The following PDE4D variants were observed in gnomAD, a reference collection of about 807,000 sequenced individuals.
PDE4D encodes the protein phosphodiesterase 4D.
Under a neutral mutation model 87.4 loss-of-function variants are expected in PDE4D, and 24 were observed. That is an observed-to-expected ratio of 0.27 (90% CI 0.20 to 0.39). The LOEUF is 0.39. Ranked by LOEUF, PDE4D falls within the 10% of genes least tolerant of loss-of-function variation. The pLI, the probability that PDE4D is intolerant of heterozygous loss-of-function variation, is 1.00. For missense variants in PDE4D, 714 were observed against 1,041.0 expected (o/e 0.69, Z 4.32); for synonymous variants, 384 against 383.2 (o/e 1.00, Z -0.02).
chr5:59,991,622 G>A (rs897056796), intron 2 of PDE4D, among the ~76,000 whole-genome samples: 3 of 152,060 alleles, frequency 2.0e-5, no homozygotes. Flanking sequence ...ACCACCTCCA[G>A]TTATAAAATA....
chr5:59,317,226 C>A (rs987831987), intron 1 of PDE4D, among the ~76,000 whole-genome samples: 12 of 152,130 alleles, frequency 7.9e-5, no homozygotes, highest in Non-Finnish European at 1.6e-4. Flanking sequence ...GAAGGGAAAA[C>A]CCCAGCCAAG....
At chr5:59,939,374 G>C (rs1351341819) in intron 3 of PDE4D, among the ~76,000 whole-genome samples, 1 of 152,144 alleles carries the variant, frequency 6.6e-6, no homozygotes. Context: ...CCTACTGTGG[G>C]TCAGTGAATG....
chr5:60,105,941 C>T (rs1453100610), intron 2 of PDE4D, among the ~76,000 whole-genome samples: 4 of 152,078 alleles, frequency 2.6e-5, no homozygotes, highest in Non-Finnish European at 4.4e-5. Flanking sequence ...AGGAAGAGAC[C>T]GCATCAACTA....
intron 1 of PDE4D, among the ~76,000 whole-genome samples, chr5:60,387,212 C>A (rs886257652): frequency 1.3e-5 from 2 of 152,212 alleles, no homozygotes; most frequent in African/African-American, 2.4e-5. Flanking sequence ...GCTCATAAGT[C>A]AGGTCTGCAG....
At chr5:59,954,388 C>T (rs2152806357) in intron 3 of PDE4D, among the ~76,000 whole-genome samples, 1 of 152,290 alleles carries the variant, frequency 6.6e-6, no homozygotes, top group East Asian at 1.9e-4. Flanking sequence ...ATTATCTTAG[C>T]ATAGAAGCCA....
At chr5:59,110,479 T>C (rs1408287323) in intron 5 of PDE4D, among the ~76,000 whole-genome samples, 1 of 152,264 alleles carries the variant, frequency 6.6e-6, no homozygotes, top group Non-Finnish European at 1.5e-5. Flanking sequence ...TAACTGTTGA[T>C]GAACACTGCC....
intron 1 of PDE4D, among the ~76,000 whole-genome samples, chr5:60,260,322 C>T (rs1749519976): frequency 6.6e-6 from 1 of 151,956 alleles, no homozygotes; most frequent in Admixed American, 6.6e-5. Flanking sequence ...GGTTGGAGCC[C>T]AGGATACTGA....
intron 1 of PDE4D, among the ~76,000 whole-genome samples, chr5:59,342,846 C>T (rs1778970859): frequency 6.6e-6 from 1 of 151,962 alleles, no homozygotes; most frequent in Admixed American, 6.6e-5. Context: ...TTATAGTGCG[C>T]AAGATGATGT....
chr5:59,698,693 C>T (rs1316953022), intron 1 of PDE4D, among the ~76,000 whole-genome samples: 1 of 152,132 alleles, frequency 6.6e-6, no homozygotes, highest in Non-Finnish European at 1.5e-5. Context: ...CAAAGCAAAT[C>T]TATTCAAAAG....
chr5:60,156,311 A>T (rs1781973654), intron 2 of PDE4D, among the ~76,000 whole-genome samples: 1 of 152,178 alleles, frequency 6.6e-6, no homozygotes, highest in Non-Finnish European at 1.5e-5. Context: ...AAAGGAGGAG[A>T]ATGTATATCT....
At chr5:60,224,526 T>C (rs1415906704) in intron 1 of PDE4D, among the ~76,000 whole-genome samples, 1 of 152,044 alleles carries the variant, frequency 6.6e-6, no homozygotes, top group Non-Finnish European at 1.5e-5. Flanking sequence ...ATGCCAGTCA[T>C]CTTGGTGAGA....
At chr5:60,111,404 A>G (rs992552369) in intron 2 of PDE4D, among the ~76,000 whole-genome samples, 3 of 152,014 alleles carry the variant, frequency 2.0e-5, no homozygotes, top group African/African-American at 4.8e-5. Flanking sequence ...ATCCCCAGGA[A>G]ATTAGTTTGA....
intron 1 of PDE4D, among the ~76,000 whole-genome samples, chr5:59,232,772 C>A (rs1290718634): frequency 6.6e-6 from 1 of 151,352 alleles, no homozygotes; most frequent in Non-Finnish European, 1.5e-5. Flanking sequence ...ATGGAATCAA[C>A]CAAAGTATCC....
chr5:59,377,191 G>A (rs1440514801), intron 1 of PDE4D, among the ~76,000 whole-genome samples: 1 of 152,122 alleles, frequency 6.6e-6, no homozygotes, highest in Non-Finnish European at 1.5e-5. Context: ...GCTGAGGCAG[G>A]CAGATCACGA....
chr5:60,342,639 A>G (rs1207721564), intron 1 of PDE4D, among the ~76,000 whole-genome samples: 1 of 152,198 alleles, frequency 6.6e-6, no homozygotes, highest in Admixed American at 6.5e-5. Context: ...GACAATGTTT[A>G]ACTCCTTGAG....
chr5:60,304,651 C>CAAAAAAAAAAAAAAAAAAAAAAAAAAAA (rs70975379), intron 1 of PDE4D, among the ~76,000 whole-genome samples: 1 of 60,086 alleles, frequency 1.7e-5, no homozygotes, highest in African/African-American at 7.8e-5. Flanking sequence ...GACTCCGTCT[C>CAAAAAAAAAAAAAAAAAAAAAAAAAAAA]AAAAAAAAAA....
At chr5:60,342,291 C>T (rs1334568717) in intron 1 of PDE4D, among the ~76,000 whole-genome samples, 4 of 152,078 alleles carry the variant, frequency 2.6e-5, no homozygotes. Context: ...TACTTCTTTC[C>T]CTTTACGCTT....
At chr5:60,130,067 G>A (rs573741790) in intron 2 of PDE4D, among the ~76,000 whole-genome samples, 34 of 152,284 alleles carry the variant, frequency 2.2e-4, no homozygotes, top group Non-Finnish European at 4.6e-4. Context: ...GAGGACACAG[G>A]TAGAATGCAC....
chr5:60,337,335 AAAAC>A (rs1325843789), intron 1 of PDE4D, among the ~76,000 whole-genome samples: 2 of 104,712 alleles, frequency 1.9e-5, no homozygotes, highest in East Asian at 6.1e-4. Context: ...TTTGTCTCAA[AAAAC>A]AAACAAACAA....
Sources: allele counts gnomAD v4.1 joint callset (sites outside exome capture counted in the v4.1 genomes callset), GRCh38; gene constraint gnomAD v4.1.1; transcripts MANE v1.5; gene names NCBI Gene and HGNC (gene_info 2026-07-23, HGNC 2026-07-21).